Variants in FILIP1L observed in about 807,000 individuals in gnomAD.
The protein encoded by FILIP1L is filamin A-interacting protein 1-like.
Under a neutral mutation model 96.6 loss-of-function variants are expected in FILIP1L, and 55 were observed. The ratio of observed to expected loss-of-function variants is 0.57; its 90% CI spans 0.46 to 0.71. The LOEUF (loss-of-function observed/expected upper bound fraction) is 0.71, where lower values mean the gene tolerates loss of function less well. Ranked by LOEUF, FILIP1L falls within the 30% of genes least tolerant of loss-of-function variation. FILIP1L has a pLI of 0.00. For synonymous variants in FILIP1L, 467 were observed against 473.9 expected, an observed-to-expected ratio of 0.99 and a Z score of 0.19; for missense variants, 1,304 against 1,321.2, an observed-to-expected ratio of 0.99 and a Z score of 0.20.
chr3:100,035,291 T>G (rs1459301747), intron 1 of FILIP1L, among the ~76,000 whole-genome samples: 1 of 152,190 alleles, frequency 6.6e-6, no homozygotes, highest in Non-Finnish European at 1.5e-5. Flanking sequence ...TATTATTATT[T>G]GAGACACAGT....
intron 1 of FILIP1L, among the ~76,000 whole-genome samples, chr3:100,014,887 C>CTTTTTTTTTTTTTTTTTTTTTTTTTTTT (rs1559725867): frequency 9.2e-5 from 3 of 32,462 alleles, no homozygotes; most frequent in African/African-American, 1.2e-4. Context: ...TTTTTTTTTT[C>CTTTTTTTTTTTTTTTTTTTTTTTTTTTT]TTTCTTTCTT....
intron 1 of FILIP1L, among the ~76,000 whole-genome samples, chr3:100,055,193 A>G (rs2065444363): frequency 1.3e-5 from 2 of 152,108 alleles, no homozygotes; most frequent in Non-Finnish European, 2.9e-5. Context: ...TACTCTTATC[A>G]ATTTCTTCGT....
chr3:99,980,251 C>T (rs1709082795), intron 1 of FILIP1L, among the ~76,000 whole-genome samples: 1 of 152,052 alleles, frequency 6.6e-6, no homozygotes, highest in Non-Finnish European at 1.5e-5. Context: ...GGGTTTGAGA[C>T]CTGGATCTAC....
intron 1 of FILIP1L, among the ~76,000 whole-genome samples, chr3:99,946,399 A>G (rs926989154): frequency 6.6e-6 from 1 of 152,212 alleles, no homozygotes; most frequent in Non-Finnish European, 1.5e-5. Flanking sequence ...AAGGGTGTGT[A>G]AGCAGTATCC....
Position 99,960,272 on chromosome 3 carries a change from T to C in FILIP1L, c.-10-29242A>G, listed in dbSNP as rs1708452658. ...ACACACCTAGTTTTTGTTATTCCTC[T>C]CAACAACACTATGAGGTAGGTTTTA... On this transcript the variant is annotated intron_variant, in intron 1 of 5. Transcript: ENST00000477258. 2.0e-5 allele frequency among the ~76,000 whole-genome samples: 3 copies of C among 152,112 alleles called. No individual in the cohort carries two copies. The South Asian group carries it at 6.2e-4, about 32-fold the overall frequency.
At chr3:99,908,012 T>C (rs1334478704) in intron 4 of FILIP1L, among the ~76,000 whole-genome samples, 1 of 152,260 alleles carries the variant, frequency 6.6e-6, no homozygotes, top group Non-Finnish European at 1.5e-5. Context: ...GTGTATTGAA[T>C]ATTTGTAAAT....
intron 3 of FILIP1L, among the ~76,000 whole-genome samples, chr3:99,926,077 A>C (rs949012804): frequency 2.6e-5 from 4 of 152,234 alleles, no homozygotes; most frequent in African/African-American, 9.6e-5. Context: ...TTTGTCATAA[A>C]AGATTTAGAA....
chr3:99,833,020 A>AAAT (rs1942748185), intron 5 of FILIP1L: 1 of 547,408 alleles, frequency 1.8e-6, no homozygotes, highest in Non-Finnish European at 3.2e-6. Flanking sequence ...ATTGCAAGAG[A>AAAT]AATACATGCA....
At chr3:99,976,666 A>T (rs1053182261) in intron 1 of FILIP1L, among the ~76,000 whole-genome samples, 1 of 151,672 alleles carries the variant, frequency 6.6e-6, no homozygotes, top group Non-Finnish European at 1.5e-5. Context: ...TACCTTCAAG[A>T]TTTATTCTTT....
intron 1 of FILIP1L, among the ~76,000 whole-genome samples, chr3:100,070,463 C>T (rs186813342): frequency 3.3e-5 from 5 of 152,236 alleles, no homozygotes; most frequent in Non-Finnish European, 5.9e-5. Context: ...GATTTATTCT[C>T]CCCATCAGTT....
At chr3:100,041,808 T>C (rs1460193494) in intron 1 of FILIP1L, among the ~76,000 whole-genome samples, 1 of 152,162 alleles carries the variant, frequency 6.6e-6, no homozygotes, top group Admixed American at 6.5e-5. Context: ...GGATAACTCA[T>C]GTTGTGCCTT....
intron 1 of FILIP1L, among the ~76,000 whole-genome samples, chr3:100,063,174 C>CT (rs2065603823): frequency 6.6e-6 from 1 of 152,178 alleles, no homozygotes; most frequent in Non-Finnish European, 1.5e-5. Context: ...TCACCCACTA[C>CT]TTGTTGTCCA....
At chr3:99,983,448 A>ATATG (rs1559713597) in intron 1 of FILIP1L, among the ~76,000 whole-genome samples, 12 of 8,244 alleles carry the variant, frequency 1.5e-3, no homozygotes, top group African/African-American at 6.0e-3. Flanking sequence ...ATATGTATGT[A>ATATG]TATATATATA....
chr3:99,992,336 T>G (rs1709548685), intron 1 of FILIP1L, among the ~76,000 whole-genome samples: 1 of 152,086 alleles, frequency 6.6e-6, no homozygotes, highest in Admixed American at 6.5e-5. Context: ...ACATCTGTTG[T>G]TTTTTGACTC....
At chr3:100,074,222 C>T (rs995425447) in intron 1 of FILIP1L, among the ~76,000 whole-genome samples, 2 of 152,186 alleles carry the variant, frequency 1.3e-5, no homozygotes, top group African/African-American at 4.8e-5. Context: ...ATCTGACAGC[C>T]CCCCTGGGCC....
At chr3:100,078,457 G>A (rs142146363) in intron 1 of FILIP1L, among the ~76,000 whole-genome samples, 8 of 152,190 alleles carry the variant, frequency 5.3e-5, no homozygotes, top group East Asian at 1.9e-4. Context: ...AAATGTAGTC[G>A]TTTAAAACAG....
intron 1 of FILIP1L, among the ~76,000 whole-genome samples, chr3:100,063,759 A>C: frequency 6.6e-6 from 1 of 152,234 alleles, no homozygotes; most frequent in East Asian, 1.9e-4. Context: ...ATAAAATTTC[A>C]TATCAAAACT....
chr3:100,088,626 C>A (rs1205448125), intron 1 of FILIP1L, among the ~76,000 whole-genome samples: 2 of 152,040 alleles, frequency 1.3e-5, no homozygotes, highest in African/African-American at 4.8e-5. Flanking sequence ...ACATCAAGTT[C>A]TTGCACTTTC....
chr3:99,897,732 A>G (rs1706304602), intron 4 of FILIP1L, among the ~76,000 whole-genome samples: 1 of 152,194 alleles, frequency 6.6e-6, no homozygotes, highest in Admixed American at 6.5e-5. Context: ...TTGTCATACC[A>G]CTATCTCATA....
Sources: gnomAD v4.1 joint callset for allele counts (sites outside exome capture counted in the v4.1 genomes callset) on GRCh38, gnomAD v4.1.1 for gene constraint, MANE v1.5 for transcripts, NCBI Gene and HGNC (gene_info 2026-07-23, HGNC 2026-07-21) for gene names.